The following NRXN2 variants were observed in gnomAD, a reference collection of about 807,000 sequenced individuals.
NRXN2 encodes neurexin 2.
In NRXN2, 29 loss-of-function variants were observed where a neutral mutation model predicts 128.8. The observed-to-expected ratio is 0.23, with a 90% confidence interval of 0.17 to 0.31. NRXN2 has a LOEUF of 0.31. Ranked by LOEUF, NRXN2 falls within the 10% of genes least tolerant of loss-of-function variation. The probability of loss-of-function intolerance (pLI) is 1.00; values close to 1 mark genes in which losing one functional copy is unlikely to be tolerated. For missense variants in NRXN2, 1,881 were observed against 2,452.6 expected (o/e 0.77, Z 4.92); for synonymous variants, 1,098 against 1,075.2 (o/e 1.02, Z -0.41).
intron 11 of NRXN2, among the ~76,000 whole-genome samples, chr11:64,656,278 A>G (rs2048266524): frequency 6.6e-6 from 1 of 152,150 alleles, no homozygotes; most frequent in East Asian, 1.9e-4. Flanking sequence ...GTACCCTCCC[A>G]TGGCCCCAGG....
At chr11:64,641,154 G>A (rs1003614518) in intron 17 of NRXN2, among the ~76,000 whole-genome samples, 2 of 152,212 alleles carry the variant, frequency 1.3e-5, no homozygotes, top group African/African-American at 4.8e-5. Context: ...GACATGGAAG[G>A]TGAAGAGAGA....
intron 11 of NRXN2, among the ~76,000 whole-genome samples, chr11:64,658,618 GA>G (rs2048594186): frequency 6.6e-6 from 1 of 152,192 alleles, no homozygotes; most frequent in African/African-American, 2.4e-5. Context: ...AGGGGAAAAG[GA>G]AAGAACATAG....
At position 64,660,845 on chromosome 11, in the gene NRXN2, G is replaced by A; in HGVS notation, c.2093C>T (p.Pro698Leu). Residue 698 changes from proline (P) to leucine (L), a missense_variant, in exon 10 of 23, where the codon CCC (proline) becomes CTC (leucine). By Grantham distance (98) the Pro-to-Leu change is moderately conservative. This residue lies in a region of NRXN2 where 997 missense variants were observed against 1,240.8 expected (regional missense o/e 0.80). Transcript: ENST00000265459. The surrounding 1 kb of genome is among the most constrained non-coding windows in gnomAD (Gnocchi z 5.2). ...TCGACAGACGCCCCCATTGCGACAG[G>A]GGGCAGATGCACACTGCTTCAGCGT... ...RETLKQCASA[P>L]CRNGGVCREG... is the part of the protein sequence containing the mutation. 1 of 1,614,004 alleles carries A rather than the reference G, an allele frequency of 6.2e-7. No homozygotes were observed. Among genetic ancestry groups the A allele is most frequent in the Non-Finnish European group, 8.5e-7 (1 of 1,179,980 alleles).
intron 19 of NRXN2, among the ~76,000 whole-genome samples, chr11:64,626,992 G>A (rs762820650): frequency 2.6e-5 from 4 of 152,144 alleles, no homozygotes; most frequent in East Asian, 3.9e-4. Context: ...TTTAGAGGGC[G>A]GTTTAGAAGT....
At chr11:64,634,570 G>A (rs1046810940) in intron 18 of NRXN2, among the ~76,000 whole-genome samples, 1 of 152,174 alleles carries the variant, frequency 6.6e-6, no homozygotes, top group African/African-American at 2.4e-5. Flanking sequence ...AGCAGGCACA[G>A]GGAGGGGCTA....
chr11:64,702,239 C>A (rs1367070635), intron 2 of NRXN2, among the ~76,000 whole-genome samples: 1 of 151,838 alleles, frequency 6.6e-6, no homozygotes, highest in African/African-American at 2.4e-5. Context: ...CGCCTCTGCC[C>A]GGCCGCCCCT....
rs1409055542 is a variant in NRXN2, at chr11:64,607,901, C to T, written c.4434G>A (p.Gln1478=). 1 of 1,567,932 alleles carries T rather than the reference C, an allele frequency of 6.4e-7. No individual in the cohort carries two copies. The highest frequency in any genetic ancestry group is 1.9e-5 in the Admixed American group (1 of 53,784). The change falls in exon 23 of 23, where the codon CAG becomes CAA. Residue 1478 remains glutamine (Q), a synonymous_variant. Coordinates refer to ENST00000265459, the MANE Select transcript of NRXN2 (RefSeq NM_015080.4). ...ARRPPSGGPC[Q]AERDDSDCEE... The stretch of plus-strand genomic sequence containing the variant: ...CGCAGTCGCTGTCGTCCCGCTCGGC[C>T]TGGCACGGGCCCCCAGAGGGCGGGC...
intron 12 of NRXN2, among the ~76,000 whole-genome samples, chr11:64,652,382 C>T (rs1345000601): frequency 6.6e-6 from 1 of 152,142 alleles, no homozygotes; most frequent in African/African-American, 2.4e-5. Flanking sequence ...AGCTTTTATA[C>T]CCCAGTCATA....
At chr11:64,647,174 C>T (rs898086789) in intron 17 of NRXN2, among the ~76,000 whole-genome samples, 1 of 151,510 alleles carries the variant, frequency 6.6e-6, no homozygotes, top group Non-Finnish European at 1.5e-5. Context: ...CCTCTCCAGC[C>T]GTATTCCATG....
At chr11:64,646,248 C>T (rs2046633404) in intron 17 of NRXN2, among the ~76,000 whole-genome samples, 3 of 152,262 alleles carry the variant, frequency 2.0e-5, no homozygotes, top group Admixed American at 6.5e-5. Context: ...CCAAGATGCA[C>T]CCTGCTCCCC....
intron 22 of NRXN2, among the ~76,000 whole-genome samples, chr11:64,612,590 T>C (rs1340637538): frequency 1.3e-5 from 2 of 152,152 alleles, no homozygotes; most frequent in Non-Finnish European, 2.9e-5. Flanking sequence ...TCCCCAACTC[T>C]CCTTCCTCTG....
chr11:64,634,281 C>T (rs2135385516), intron 18 of NRXN2, among the ~76,000 whole-genome samples: 1 of 152,144 alleles, frequency 6.6e-6, no homozygotes, highest in East Asian at 1.9e-4. Context: ...CTGTTAGGGG[C>T]CAGAAATGTA....
At chr11:64,702,001 TG>T (rs570455604) in intron 2 of NRXN2, among the ~76,000 whole-genome samples, 16 of 67,404 alleles carry the variant, frequency 2.4e-4, no homozygotes, top group East Asian at 9.9e-4. Flanking sequence ...GGGAGGGAGG[TG>T]GGGGGGGTCA....
chr11:64,672,571 T>C (rs2050773238), intron 7 of NRXN2, among the ~76,000 whole-genome samples: 2 of 152,146 alleles, frequency 1.3e-5, no homozygotes, highest in South Asian at 2.1e-4. Flanking sequence ...ACTGCCTCCG[T>C]GGGTTTTTTT....
intron 2 of NRXN2, among the ~76,000 whole-genome samples, chr11:64,701,969 C>T (rs1220557737): frequency 2.0e-4 from 28 of 137,176 alleles, no homozygotes; most frequent in Admixed American, 1.1e-3. Flanking sequence ...GTCAGCCCCC[C>T]GCCCGGCCAG....
rs924431394 is a variant in NRXN2 at position 64,631,453 on chromosome 11, G to A, written c.3586-880C>T. ...GATCAGCCCAGGAAGAGTTCTGCTT[G>A]TGGTGCTAGAGTGGGAGGGAGGGCT... On this transcript the variant is annotated intron_variant, in intron 18 of 22. Transcript: ENST00000265459. This position sits in a 1 kb window ranked among gnomAD's most constrained non-coding sequence, Gnocchi z 4.8. Among the ~76,000 whole-genome samples the A allele has an allele frequency of 6.6e-6, 1 of 152,034 alleles. No homozygotes were observed. Among genetic ancestry groups the A allele is most frequent in the African/African-American group, 2.4e-5 (1 of 41,348 alleles).
Position 64,702,605 on chromosome 11 carries a change from T to C in NRXN2, c.731-4813A>G, listed in dbSNP as rs1032479523. ...GTTAAACAGATGCCTGAAGGCAGCA[T>C]GCTCCTTGGGAGTCATCACCACTCC... On this transcript the variant is annotated intron_variant, in intron 2 of 22. Coordinates refer to ENST00000265459, the MANE Select transcript of NRXN2 (RefSeq NM_015080.4). Among the ~76,000 whole-genome samples, 7 of 152,212 alleles carry C rather than the reference T, an allele frequency of 4.6e-5. No homozygotes were observed. The South Asian group carries it at 8.3e-4, about 18-fold the overall frequency.
At chr11:64,710,848 C>T (rs480617) in intron 2 of NRXN2, among the ~76,000 whole-genome samples, 87,444 of 151,938 alleles carry the variant, frequency 0.58, 28,527 homozygotes, top group Middle Eastern at 0.78. Flanking sequence ...CCCATTCACA[C>T]GTCAAATACA....
At chr11:64,671,029 G>T (rs2050560706) in intron 7 of NRXN2, among the ~76,000 whole-genome samples, 1 of 152,218 alleles carries the variant, frequency 6.6e-6, no homozygotes, top group Non-Finnish European at 1.5e-5. Flanking sequence ...ACTTAGAAGA[G>T]GTGACAGTGT....
Sources: allele counts gnomAD v4.1 joint callset (sites outside exome capture counted in the v4.1 genomes callset), GRCh38; gene constraint gnomAD v4.1.1; regional missense constraint gnomAD v4.1.1; non-coding constraint Gnocchi (gnomAD v3.1); transcripts MANE v1.5; gene names NCBI Gene and HGNC (gene_info 2026-07-23, HGNC 2026-07-21).